Variants in SNX16 observed in about 807,000 individuals in gnomAD.
SNX16 encodes sorting nexin 16, also known as sorting nexin-16.
In SNX16, 35 loss-of-function variants were observed where a neutral mutation model predicts 36.7. That is an observed-to-expected ratio of 0.95 (90% CI 0.73 to 1.27). The LOEUF (loss-of-function observed/expected upper bound fraction) is 1.27. Ranked by LOEUF, SNX16 falls within the 50% of genes most tolerant of loss-of-function variation. The probability of loss-of-function intolerance (pLI) is 0.00; values close to 1 mark genes in which losing one functional copy is unlikely to be tolerated. For missense variants in SNX16, 367 were observed against 393.6 expected, an observed-to-expected ratio of 0.93 and a Z score of 0.57; for synonymous variants, 134 against 132.0, an observed-to-expected ratio of 1.02 and a Z score of -0.10.
intron 1 of SNX16, 39 bp downstream of exon 1, chr8:81,842,083 C>G (rs908155583): frequency 6.6e-6 from 1 of 151,776 alleles, no homozygotes; most frequent in Non-Finnish European, 1.5e-5. Context: ...GAACCCGGGA[C>G]AGCGACCGCC....
chr8:81,835,247 A>T (rs926505703), intron 2 of SNX16, among the ~76,000 whole-genome samples: 1 of 152,192 alleles, frequency 6.6e-6, no homozygotes, highest in African/African-American at 2.4e-5. Flanking sequence ...GGCTGCACAT[A>T]GCACAGGGAC....
intron 2 of SNX16, among the ~76,000 whole-genome samples, 172 bp from the exon 3 acceptor site, chr8:81,829,688 G>A (rs1370030724): frequency 6.6e-6 from 1 of 151,946 alleles, no homozygotes; most frequent in African/African-American, 2.4e-5. Context: ...ATCAATGCAG[G>A]CACCAAAAGC....
In SNX16 at chr8:81,803,086, A is replaced by G. The variant is rs372678848; in HGVS notation, c.818+6T>C. The G allele has an allele frequency of 6.2e-7, 1 of 1,601,134 alleles. No individual in the cohort carries two copies. On this transcript the variant is annotated splice_donor_region_variant and intron_variant, in intron 6 of 7. Transcript: ENST00000345957. Reference sequence around the variant, plus strand: ...TCAGAGTAGAAATGCAAGTATCACAACACACCTGATTCTGTTCTCTAAAGT... The same window carrying G: ...TCAGAGTAGAAATGCAAGTATCACAGCACACCTGATTCTGTTCTCTAAAGT...
Position 81,837,528 on chromosome 8 carries a change from C to T in SNX16, c.375+2084G>A, listed in dbSNP as rs142377522. ...ATCAAGACAGTAACAGATTTGGTATCTGGAGAGGGCCTACTTTCTGGTTTA... is the reference window on the plus strand; with the variant it reads ...ATCAAGACAGTAACAGATTTGGTATTTGGAGAGGGCCTACTTTCTGGTTTA... On this transcript the variant is annotated intron_variant, in intron 2 of 7. Coordinates refer to ENST00000345957, the MANE Select transcript of SNX16 (RefSeq NM_152836.3). Among the ~76,000 whole-genome samples, 837 of 152,300 alleles carry T rather than the reference C, an allele frequency of 5.5e-3. 2 individuals carry two copies. The highest frequency in any genetic ancestry group is 9.9e-3 in the Admixed American group (152 of 15,298).
At chr8:81,820,176 T>C (rs1270492063) in intron 4 of SNX16, among the ~76,000 whole-genome samples, 1 of 152,132 alleles carries the variant, frequency 6.6e-6, no homozygotes, top group Non-Finnish European at 1.5e-5. Context: ...CAGTTTTATG[T>C]TTTCATAAAG....
intron 2 of SNX16, among the ~76,000 whole-genome samples, chr8:81,839,187 AAT>A (rs941508619): frequency 1.3e-5 from 2 of 152,180 alleles, no homozygotes; most frequent in Non-Finnish European, 2.9e-5. Context: ...ACTGTTCACC[AAT>A]ATCTTTTAAA....
At chr8:81,808,594 C>T (rs1810079314) in intron 5 of SNX16, 2 of 963,386 alleles carry the variant, frequency 2.1e-6, no homozygotes, top group East Asian at 2.4e-5. Flanking sequence ...AATTTTGGAC[C>T]CATGAAGATG....
chr8:81,839,931 A>G lies in SNX16; in HGVS notation c.56T>C (p.Phe19Ser). The G allele has an allele frequency of 6.2e-7, 1 of 1,613,924 alleles. No homozygotes were observed. The change falls in exon 2 of 8, where the codon TTT (phenylalanine) becomes TCT (serine). Residue 19 changes from phenylalanine to serine, a missense_variant. By Grantham distance (155) the Phe-to-Ser change is radical. Coordinates refer to ENST00000345957, the MANE Select transcript of SNX16 (RefSeq NM_152836.3). ...ACTTCTTTGATTTCTGTTTGTTGTA[A>G]AACTGGAAGCAGAGTTTCCTATGGG... ...PMPIGNSASS[F>S]TTNRNQRSSS...
chr8:81,817,240 T>C (rs972777571), intron 4 of SNX16, among the ~76,000 whole-genome samples: 4 of 152,250 alleles, frequency 2.6e-5, no homozygotes, highest in Non-Finnish European at 5.9e-5. Flanking sequence ...AATTTCCTCA[T>C]ACTTTAATGT....
intron 2 of SNX16, among the ~76,000 whole-genome samples, chr8:81,834,983 C>A (rs902259590): frequency 1.4e-4 from 22 of 152,234 alleles, no homozygotes; most frequent in Non-Finnish European, 2.6e-4. Flanking sequence ...ACAGCCCTAG[C>A]AGCAGTTTTC....
At chr8:81,809,105 C>T (rs549603641) in intron 5 of SNX16, among the ~76,000 whole-genome samples, 45 of 151,744 alleles carry the variant, frequency 3.0e-4, no homozygotes, top group African/African-American at 1.1e-3. Context: ...CTGAAGCCAT[C>T]TTGGTAAATT....
intron 1 of SNX16, chr8:81,841,754 G>C (rs1449218718): frequency 6.6e-6 from 1 of 152,340 alleles, no homozygotes; most frequent in African/African-American, 2.4e-5. Context: ...GAAAACCTCA[G>C]GTGAGGTGGC....
At chr8:81,820,133 T>G (rs920785494) in intron 4 of SNX16, among the ~76,000 whole-genome samples, 2 of 152,134 alleles carry the variant, frequency 1.3e-5, no homozygotes, top group Admixed American at 1.3e-4. Flanking sequence ...AATATGCAAC[T>G]AATTGATGTT....
intron 5 of SNX16, among the ~76,000 whole-genome samples, chr8:81,811,844 CA>C (rs1810269343): frequency 6.6e-6 from 1 of 151,928 alleles, no homozygotes; most frequent in South Asian, 2.1e-4. Flanking sequence ...TAAACGGCCC[CA>C]AATGTTAGGC....
rs949455303 is a variant in SNX16, at chr8:81,822,947, C to CATAT, written c.611+841_611+844dup. On this transcript the variant is annotated intron_variant, in intron 4 of 7. Transcript: ENST00000345957. The stretch of plus-strand genomic sequence containing the variant: ...ATGTGTATATATATATATACATATA[C>CATAT]ATATATATATATATATATATATATA... Among the ~76,000 whole-genome samples, 375 of 52,292 alleles carry CATAT rather than the reference C, an allele frequency of 7.2e-3. 3 individuals are homozygous for CATAT. Among genetic ancestry groups the CATAT allele is most frequent in the South Asian group, 0.034 (52 of 1,512 alleles). The allele number at this position is 52,292 out of a possible 152,430, so 34.3% of individuals were successfully genotyped here.
At chr8:81,833,241 T>C (rs1039556694) in intron 2 of SNX16, among the ~76,000 whole-genome samples, 1 of 152,022 alleles carries the variant, frequency 6.6e-6, no homozygotes, top group Non-Finnish European at 1.5e-5. Context: ...CTGCTCACAT[T>C]ATACTTCTAT....
At chr8:81,840,128 G>A in intron 1 of SNX16, 46 bp from the exon 2 acceptor site, 1 of 922,774 alleles carries the variant, frequency 1.1e-6, no homozygotes, top group Non-Finnish European at 1.6e-6. Flanking sequence ...TTAATGTGCA[G>A]CAGGATTCAA....
chr8:81,802,616 T>A (rs1413399070), intron 6 of SNX16, 117 bp from the exon 7 acceptor site: 1 of 726,420 alleles, frequency 1.4e-6, no homozygotes, highest in Non-Finnish European at 2.1e-6. Flanking sequence ...TGTAGTTACA[T>A]AGCTAATAAA....
chr8:81,821,134 A>C lies in SNX16; in HGVS notation c.611+2658T>G, dbSNP rs78004047. 5.9e-3 allele frequency among the ~76,000 whole-genome samples: 888 copies of C among 150,418 alleles called. 8 individuals are homozygous for C. The highest frequency in any genetic ancestry group is 0.02 in the African/African-American group (825 of 40,906). ...AAGGCATACTAGATTCTTTCATGCA[A>C]GATTTCTTAGAACCTTTAATCCTTT... On this transcript the variant is annotated intron_variant, in intron 4 of 7. Transcript: ENST00000345957.
Sources: gnomAD v4.1 joint callset for allele counts (sites outside exome capture counted in the v4.1 genomes callset) on GRCh38, gnomAD v4.1.1 for gene constraint, MANE v1.5 for transcripts, NCBI Gene and HGNC (gene_info 2026-07-23, HGNC 2026-07-21) for gene names.